EPHB2: variants seen among roughly 807,000 people sequenced by gnomAD.
EPHB2 encodes the protein ephrin type-B receptor 2.
In EPHB2, 18 loss-of-function variants were observed where a neutral mutation model predicts 96.4. The ratio of observed to expected loss-of-function variants is 0.19; its 90% CI spans 0.13 to 0.28. EPHB2 has a LOEUF of 0.28. EPHB2 is among the 10% of genes least tolerant of loss of function. The pLI, the probability that EPHB2 is intolerant of heterozygous loss-of-function variation, is 1.00. For missense variants in EPHB2, 989 were observed against 1,355.4 expected (o/e 0.73, Z 4.25); for synonymous variants, 506 against 534.1 (o/e 0.95, Z 0.72).
chr1:22,859,527 G>A, intron 3 of EPHB2, among the ~76,000 whole-genome samples: 1 of 152,188 alleles, frequency 6.6e-6, no homozygotes, highest in East Asian at 1.9e-4. Flanking sequence ...TGGGCTCAGT[G>A]GCTCATGTCT....
At chr1:22,778,152 G>A (rs1310334064) in intron 1 of EPHB2, among the ~76,000 whole-genome samples, 1 of 151,966 alleles carries the variant, frequency 6.6e-6, no homozygotes, top group African/African-American at 2.4e-5. Flanking sequence ...CAGCCTCCAG[G>A]GTAGCTGGGA....
chr1:22,823,807 A>G (rs769014681), intron 3 of EPHB2, among the ~76,000 whole-genome samples: 1 of 152,270 alleles, frequency 6.6e-6, no homozygotes. Context: ...AGCACCTAGC[A>G]TAGTGCCTGG....
At chr1:22,746,557 T>G (rs191355032) in intron 1 of EPHB2, among the ~76,000 whole-genome samples, 1 of 152,340 alleles carries the variant, frequency 6.6e-6, no homozygotes, top group East Asian at 1.9e-4. Flanking sequence ...GTCACTGCAG[T>G]GTGTTCTGCA....
chr1:22,893,450 C>A (rs968846372), intron 7 of EPHB2, among the ~76,000 whole-genome samples: 3 of 152,182 alleles, frequency 2.0e-5, no homozygotes, highest in Non-Finnish European at 4.4e-5. Context: ...AAGCTGCATC[C>A]GAGTTCAGCA....
intron 3 of EPHB2, among the ~76,000 whole-genome samples, chr1:22,803,641 A>ATG (rs1644878989): frequency 6.4e-4 from 1 of 1,566 alleles, no homozygotes; most frequent in Non-Finnish European, 1.6e-3. Flanking sequence ...GTGTATATAT[A>ATG]TGTGTATATA....
At chr1:22,905,872 C>T in intron 9 of EPHB2, 115 bp from the exon 10 acceptor site, 1 of 1,557,340 alleles carries the variant, frequency 6.4e-7, no homozygotes, top group Non-Finnish European at 8.8e-7. Context: ...TTGCCCAGTT[C>T]TTATGGGGGC....
intron 3 of EPHB2, among the ~76,000 whole-genome samples, chr1:22,793,195 A>G (rs1044961643): frequency 6.6e-6 from 1 of 152,166 alleles, no homozygotes; most frequent in South Asian, 2.1e-4. Flanking sequence ...ATATGGGACA[A>G]TTTGGGCTTC....
At chr1:22,885,247 C>G (rs1639187321) in intron 6 of EPHB2, among the ~76,000 whole-genome samples, 1 of 152,100 alleles carries the variant, frequency 6.6e-6, no homozygotes, top group Non-Finnish European at 1.5e-5. Flanking sequence ...AATTAAGAAG[C>G]TTTGTGATTA....
chr1:22,723,890 C>T (rs1643524940), intron 1 of EPHB2, among the ~76,000 whole-genome samples: 1 of 152,190 alleles, frequency 6.6e-6, no homozygotes, highest in Non-Finnish European at 1.5e-5. Context: ...ATACCAGCAG[C>T]AACTAGCATG....
intron 3 of EPHB2, among the ~76,000 whole-genome samples, chr1:22,803,548 G>A (rs755058024): frequency 1.0e-4 from 15 of 149,508 alleles, no homozygotes; most frequent in East Asian, 7.9e-4. Context: ...CCAAGCTGCC[G>A]TGAGCCATGA....
intron 3 of EPHB2, among the ~76,000 whole-genome samples, chr1:22,837,584 G>T (rs1239472825): frequency 1.3e-5 from 2 of 152,204 alleles, no homozygotes; most frequent in African/African-American, 4.8e-5. Flanking sequence ...AACTAGGCGT[G>T]TATGAAGCAA....
rs1463279767 is a variant in EPHB2, at chr1:22,918,509, G to T, written c.*4939G>T. On this transcript the variant is annotated 3_prime_UTR_variant, in exon 16 of 16. Coordinates refer to ENST00000374630, the MANE Select transcript of EPHB2 (RefSeq NM_017449.5). This position sits in a 1 kb window ranked among gnomAD's most constrained non-coding sequence, Gnocchi z 4.2. ...CACCCAGACATGTTGGAATGAGTCT[G>T]GGGTCCTGTCTTTTCCAATAATGTG... The T allele has an allele frequency of 6.6e-6, 1 of 152,302 alleles. No homozygotes were observed. The highest frequency in any genetic ancestry group is 1.5e-5 in the Non-Finnish European group (1 of 68,108). The allele number at this position is 152,302 out of a possible 1,614,324, so 9.4% of individuals were successfully genotyped here. A position where few individuals can be genotyped will look rare whatever the true frequency, so the allele number is the denominator to read the frequency against.
At chr1:22,829,260 GT>G in intron 3 of EPHB2, among the ~76,000 whole-genome samples, 1 of 152,266 alleles carries the variant, frequency 6.6e-6, no homozygotes, top group Non-Finnish European at 1.5e-5. Context: ...GGTGGGAGCA[GT>G]TGCCTGGGCC....
intron 1 of EPHB2, among the ~76,000 whole-genome samples, chr1:22,756,773 G>A (rs1644158700): frequency 6.6e-6 from 1 of 152,200 alleles, no homozygotes; most frequent in African/African-American, 2.4e-5. Flanking sequence ...TGAGGGGTGA[G>A]TAGAGAGAGG....
At chr1:22,761,169 T>C (rs1183821482) in intron 1 of EPHB2, among the ~76,000 whole-genome samples, 1 of 152,178 alleles carries the variant, frequency 6.6e-6, no homozygotes. Context: ...ATGCCAGGAC[T>C]GATGTTTTTA....
Position 22,733,291 on chromosome 1 carries a change from T to C in EPHB2, c.61+22248T>C, listed in dbSNP as rs2904122. On this transcript the variant is annotated intron_variant, in intron 1 of 15. Transcript: ENST00000374630. The surrounding 1 kb of genome is among the most constrained non-coding windows in gnomAD (Gnocchi z 4.6). ...CTCAAACTTCTGACCTCAGGTGATT[T>C]GCCCACCTCAGCCTTCCAAAGTGCT... Among the ~76,000 whole-genome samples the C allele has an allele frequency of 0.52, 78,932 of 151,906 alleles. 21,345 individuals are homozygous for C. Among genetic ancestry groups the C allele is most frequent in the East Asian group, 0.94 (4,828 of 5,160 alleles).
In EPHB2 at chr1:22,784,763, C is replaced by T. The variant is rs779060183; in HGVS notation, c.498C>T (p.Phe166=). 2.5e-5 allele frequency: 40 copies of T among 1,610,038 alleles called. No individual in the cohort carries two copies. The highest frequency in any genetic ancestry group is 3.1e-5 in the Non-Finnish European group (36 of 1,176,996). ...VMKINTEVRS[F]GPVSRSGFYL... ...AAATCAACACCGAGGTGCGGAGCTTCGGACCTGTGTCCCGCAGCGGCTTCT... is the reference window on the plus strand; with the variant it reads ...AAATCAACACCGAGGTGCGGAGCTTTGGACCTGTGTCCCGCAGCGGCTTCT... The change falls in exon 3 of 16, where the codon TTC becomes TTT. Residue 166 remains phenylalanine, a synonymous_variant. Coordinates refer to ENST00000374630, the MANE Select transcript of EPHB2 (RefSeq NM_017449.5). This position sits in a 1 kb window ranked among gnomAD's most constrained non-coding sequence, Gnocchi z 5.1.
At chr1:22,884,144 G>A (rs1380888431) in intron 6 of EPHB2, among the ~76,000 whole-genome samples, 1 of 152,186 alleles carries the variant, frequency 6.6e-6, no homozygotes, top group Non-Finnish European at 1.5e-5. Context: ...TCCCGCAGGG[G>A]ACCATGGACA....
intron 3 of EPHB2, among the ~76,000 whole-genome samples, chr1:22,814,185 GA>G (rs1250028690): frequency 6.6e-6 from 1 of 152,006 alleles, no homozygotes; most frequent in African/African-American, 2.4e-5. Context: ...AAAAATAAAG[GA>G]AAAAGAAATG....
Sources: gnomAD v4.1 joint callset for allele counts (sites outside exome capture counted in the v4.1 genomes callset) on GRCh38, gnomAD v4.1.1 for gene constraint, Gnocchi (gnomAD v3.1) non-coding constraint, MANE v1.5 for transcripts, NCBI Gene and HGNC (gene_info 2026-07-23, HGNC 2026-07-21) for gene names.